CCDC169: variants seen among roughly 807,000 people sequenced by gnomAD.
CCDC169 encodes the protein coiled-coil domain containing 169.
CCDC169 carries 30 observed loss-of-function variants against 36.0 expected under a neutral mutation model. The observed-to-expected ratio is 0.83, with a 90% CI of 0.62 to 1.13. The LOEUF is 1.13. CCDC169 is among the 50% of genes most tolerant of loss of function. The probability of loss-of-function intolerance (pLI) is 0.00; values close to 1 mark genes in which losing one functional copy is unlikely to be tolerated. For missense variants in CCDC169, 245 were observed against 245.9 expected, an observed-to-expected ratio of 1.00 and a Z score of 0.03; for synonymous variants, 85 against 81.5, an observed-to-expected ratio of 1.04 and a Z score of -0.23.
chr13:36,291,139 T>C (rs148461063), intron 2 of CCDC169, among the ~76,000 whole-genome samples: 272 of 152,262 alleles, frequency 1.8e-3, no homozygotes, highest in African/African-American at 6.1e-3. Context: ...ATTTGGAGTT[T>C]AGGCACAAAT....
At chr13:36,281,224 C>A (rs1353105688) in intron 4 of CCDC169, 2 of 444,826 alleles carry the variant, frequency 4.5e-6, no homozygotes, top group South Asian at 1.6e-5. Flanking sequence ...CATTATACAG[C>A]CACTGCACCA....
chr13:36,279,238 C>G (rs1877215141), intron 4 of CCDC169, among the ~76,000 whole-genome samples: 7 of 152,056 alleles, frequency 4.6e-5, no homozygotes, highest in Admixed American at 4.6e-4. Flanking sequence ...CTTTCAACCT[C>G]TATATAAAAT....
intron 4 of CCDC169, among the ~76,000 whole-genome samples, chr13:36,279,842 A>T (rs897930876): frequency 5.9e-5 from 9 of 152,232 alleles, no homozygotes; most frequent in African/African-American, 2.2e-4. Flanking sequence ...CAATGCTGAA[A>T]ATATTTACTA....
chr13:36,270,318 T>G (rs1072677), intron 4 of CCDC169, among the ~76,000 whole-genome samples: 38,742 of 152,116 alleles, frequency 0.25, 5,219 homozygotes, highest in East Asian at 0.49. Context: ...TGAATTGGAA[T>G]AATCATTGTG....
intron 7 of CCDC169, among the ~76,000 whole-genome samples, chr13:36,241,475 C>G (rs1234404997): frequency 6.6e-6 from 1 of 152,140 alleles, no homozygotes; most frequent in Non-Finnish European, 1.5e-5. Flanking sequence ...TGTCTTTGAA[C>G]TTTAAATGAA....
At chr13:36,257,975 C>A (rs539651278) in intron 4 of CCDC169, among the ~76,000 whole-genome samples, 2 of 152,104 alleles carry the variant, frequency 1.3e-5, no homozygotes, top group Non-Finnish European at 2.9e-5. Context: ...GAAACCAGAA[C>A]CAGAAGCTGA....
intron 7 of CCDC169, among the ~76,000 whole-genome samples, chr13:36,236,780 T>C (rs1174154705): frequency 2.0e-5 from 3 of 152,044 alleles, no homozygotes; most frequent in Non-Finnish European, 4.4e-5. Context: ...AACAAACCAA[T>C]TTAATAATAG....
chr13:36,273,809 A>T (rs1263003280), intron 4 of CCDC169, among the ~76,000 whole-genome samples: 1 of 152,312 alleles, frequency 6.6e-6, no homozygotes, highest in South Asian at 2.1e-4. Context: ...GCTTCATAGC[A>T]GTTGTGGTCT....
chr13:36,284,761 C>T (rs980555040), intron 2 of CCDC169, among the ~76,000 whole-genome samples: 6 of 152,148 alleles, frequency 3.9e-5, no homozygotes, highest in African/African-American at 1.4e-4. Context: ...ATGCTCTTCA[C>T]AGGTCTGAAA....
Position 36,283,707 on chromosome 13 carries a change from G to A in CCDC169, c.164-5C>T, listed in dbSNP as rs1467946554. On this transcript the variant is annotated splice_region_variant and splice_polypyrimidine_tract_variant and intron_variant, in intron 2 of 7. Coordinates refer to ENST00000239859, the MANE Select transcript of CCDC169 (RefSeq NM_001144981.3). The stretch of plus-strand genomic sequence containing the variant: ...AACGGGTTTTCCATTCACTACCTGA[G>A]TAAAAACAGGGAGAAACAATCAAGA... 8.4e-6 allele frequency: 13 copies of A among 1,542,712 alleles called. No homozygotes were observed. The highest frequency in any genetic ancestry group is 1.1e-5 in the Non-Finnish European group (13 of 1,140,516).
intron 2 of CCDC169, among the ~76,000 whole-genome samples, chr13:36,288,037 C>T (rs1247428750): frequency 6.6e-6 from 1 of 151,350 alleles, no homozygotes; most frequent in Admixed American, 6.6e-5. Flanking sequence ...GAGATGGAGT[C>T]TCGCTCTGTC....
At chr13:36,232,656 C>T (rs1278077383) in intron 7 of CCDC169, among the ~76,000 whole-genome samples, 4 of 63,546 alleles carry the variant, frequency 6.3e-5, no homozygotes, top group African/African-American at 1.3e-4. Flanking sequence ...AAAGATGAGC[C>T]GAGATTGCGC....
At chr13:36,274,345 AGGTTCC>A (rs2138573629) in intron 4 of CCDC169, 1 of 152,348 alleles carries the variant, frequency 6.6e-6, no homozygotes, top group African/African-American at 2.4e-5. Flanking sequence ...AATAACTTTA[AGGTTCC>A]CTCTTATTTT....
At chr13:36,293,900 A>T (rs1286240024) in intron 2 of CCDC169, among the ~76,000 whole-genome samples, 1 of 152,126 alleles carries the variant, frequency 6.6e-6, no homozygotes, top group Non-Finnish European at 1.5e-5. Context: ...AGCAAAAGAC[A>T]AGCAGAAGTG....
At chr13:36,288,898 C>A (rs1450290231) in intron 2 of CCDC169, among the ~76,000 whole-genome samples, 1 of 151,784 alleles carries the variant, frequency 6.6e-6, no homozygotes, top group Non-Finnish European at 1.5e-5. Context: ...AAATTCTTAT[C>A]CTAAAATAAA....
chr13:36,276,910 A>C (rs1876897951), intron 4 of CCDC169, among the ~76,000 whole-genome samples: 1 of 152,186 alleles, frequency 6.6e-6, no homozygotes, highest in Admixed American at 6.5e-5. Context: ...TGCCAAAAAA[A>C]TACAAATGTC....
At chr13:36,226,971 G>A (rs757105779), downstream of CCDC169, 2 of 424,186 alleles carry the variant, frequency 4.7e-6, no homozygotes, top group Non-Finnish European at 8.3e-6. Flanking sequence ...TAACAACGAA[G>A]AAAAAATAAA....
chr13:36,268,301 A>G (rs540868169), intron 4 of CCDC169, among the ~76,000 whole-genome samples: 1 of 152,346 alleles, frequency 6.6e-6, no homozygotes, highest in South Asian at 2.1e-4. Flanking sequence ...ATAAAACTAG[A>G]AATCAACTCC....
Position 36,231,018 on chromosome 13 carries a change from G to A in CCDC169, c.*175C>T. On this transcript the variant is annotated 3_prime_UTR_variant, in exon 8 of 8. Coordinates refer to ENST00000239859, the MANE Select transcript of CCDC169 (RefSeq NM_001144981.3). Reference sequence around the variant, plus strand: ...TATTACATAGTTTAGGGTCACTGGAGAAAATTACTTTTATGCAGACAAAGG... The same window carrying A: ...TATTACATAGTTTAGGGTCACTGGAAAAAATTACTTTTATGCAGACAAAGG... The A allele has an allele frequency of 7.2e-7, 1 of 1,394,474 alleles. No individual in the cohort carries two copies. The highest frequency in any genetic ancestry group is 9.3e-7 in the Non-Finnish European group (1 of 1,077,658). The allele number at this position is 1,394,474 out of a possible 1,614,324, so 86.4% of individuals were successfully genotyped here.
Sources: allele counts gnomAD v4.1 joint callset (sites outside exome capture counted in the v4.1 genomes callset), GRCh38; gene constraint gnomAD v4.1.1; transcripts MANE v1.5; gene names NCBI Gene and HGNC (gene_info 2026-07-23, HGNC 2026-07-21).